The following TBC1D5 variants were observed in gnomAD, a reference collection of about 807,000 sequenced individuals.
TBC1D5 encodes TBC1 domain family, member 5.
A neutral mutation model predicts 100.3 loss-of-function variants in TBC1D5; 75 were observed. The ratio of observed to expected loss-of-function variants is 0.75; its 90% CI spans 0.62 to 0.91. The LOEUF (loss-of-function observed/expected upper bound fraction) is 0.91. TBC1D5 is among the 40% of genes least tolerant of loss of function. The pLI is 0.00. For missense variants in TBC1D5, 910 were observed against 942.4 expected (o/e 0.97, Z 0.45); for synonymous variants, 323 against 325.6 (o/e 0.99, Z 0.09).
chr3:17,336,824 A>C (rs1032888332), intron 13 of TBC1D5, among the ~76,000 whole-genome samples: 3 of 152,148 alleles, frequency 2.0e-5, no homozygotes, highest in African/African-American at 7.2e-5. Context: ...ACTGTCTTCC[A>C]CATTTGACTT....
chr3:17,699,487 T>A (rs534411685), intron 1 of TBC1D5, among the ~76,000 whole-genome samples: 408 of 142,992 alleles, frequency 2.9e-3, no homozygotes, highest in African/African-American at 9.7e-3. Context: ...GGCACATGTA[T>A]ACATATGTAA....
chr3:17,605,676 C>T (rs1000349533), intron 2 of TBC1D5, among the ~76,000 whole-genome samples: 4 of 152,154 alleles, frequency 2.6e-5, no homozygotes, highest in Admixed American at 2.0e-4. Flanking sequence ...GATTAAAGAT[C>T]AGGAAAGTAT....
chr3:17,720,837 CTTT>C (rs745500463), intron 1 of TBC1D5, among the ~76,000 whole-genome samples: 1 of 149,920 alleles, frequency 6.7e-6, no homozygotes, highest in Non-Finnish European at 1.5e-5. Context: ...TACTTTTTTT[CTTT>C]TTGTTTGTTT....
intron 4 of TBC1D5, among the ~76,000 whole-genome samples, chr3:17,422,038 G>A (rs887773653): frequency 1.3e-5 from 2 of 152,194 alleles, no homozygotes; most frequent in South Asian, 2.1e-4. Flanking sequence ...CAAGGCCTTA[G>A]AAACTTAAGA....
chr3:17,662,394 G>A (rs2066750626), intron 1 of TBC1D5, among the ~76,000 whole-genome samples: 2 of 152,198 alleles, frequency 1.3e-5, no homozygotes, highest in South Asian at 2.1e-4. Context: ...TACCTGGAAA[G>A]CCTTTGAATA....
At chr3:17,656,065 C>A (rs1363941560) in intron 1 of TBC1D5, among the ~76,000 whole-genome samples, 1 of 152,196 alleles carries the variant, frequency 6.6e-6, no homozygotes, top group African/African-American at 2.4e-5. Context: ...ACTCAGTAGC[C>A]TTTGCCTAGA....
At chr3:17,485,676 AT>A (rs1260295577) in intron 3 of TBC1D5, among the ~76,000 whole-genome samples, 1 of 152,006 alleles carries the variant, frequency 6.6e-6, no homozygotes, top group Non-Finnish European at 1.5e-5. Flanking sequence ...TGAACTCATC[AT>A]TTTTTATGGC....
At chr3:17,585,346 T>C (rs931382357) in intron 2 of TBC1D5, among the ~76,000 whole-genome samples, 2 of 152,176 alleles carry the variant, frequency 1.3e-5, no homozygotes, top group Admixed American at 6.5e-5. Context: ...AGGATGCACA[T>C]ACAATTTAGA....
intron 15 of TBC1D5, among the ~76,000 whole-genome samples, chr3:17,275,542 TAAA>T (rs1027621506): frequency 3.9e-5 from 6 of 152,128 alleles, no homozygotes; most frequent in African/African-American, 1.4e-4. Flanking sequence ...TCTGTCTCTT[TAAA>T]CAAACCAACC....
At chr3:17,386,592 A>G (rs915770283) in intron 8 of TBC1D5, among the ~76,000 whole-genome samples, 3 of 152,084 alleles carry the variant, frequency 2.0e-5, no homozygotes, top group African/African-American at 7.2e-5. Context: ...AATGTAGCCA[A>G]CTGTTCAACC....
At chr3:17,319,589 T>C (rs964103119) in intron 13 of TBC1D5, among the ~76,000 whole-genome samples, 1 of 152,146 alleles carries the variant, frequency 6.6e-6, no homozygotes, top group African/African-American at 2.4e-5. Context: ...CATACAGACA[T>C]TTTTATGCAG....
chr3:17,584,939 A>AT (rs1257033435), intron 2 of TBC1D5, among the ~76,000 whole-genome samples: 11 of 152,188 alleles, frequency 7.2e-5, no homozygotes, highest in African/African-American at 2.4e-4. Context: ...TACAGGCGTG[A>AT]GCCACTGTGC....
Position 17,404,578 on chromosome 3 carries a change from G to A in TBC1D5, c.441+116C>T, listed in dbSNP as rs79768473. ...CAGGTTTTAGGTGGTACTGTATGTG[G>A]AATAAAGAAAACAGTTAGCATGAAA... On this transcript the variant is annotated intron_variant, in intron 7 of 21. Coordinates refer to ENST00000253692, the Ensembl canonical transcript of TBC1D5. 6.5e-5 allele frequency: 58 copies of A among 896,170 alleles called. No individual in the cohort carries two copies. The African/African-American group carries it at 8.6e-4, about 13-fold the overall frequency. 55.5% of individuals were successfully genotyped at this position (896,170 alleles called of 1,614,324 possible).
intron 1 of TBC1D5, among the ~76,000 whole-genome samples, chr3:17,669,150 A>C (rs981544926): frequency 6.6e-6 from 1 of 152,088 alleles, no homozygotes; most frequent in African/African-American, 2.4e-5. Flanking sequence ...ATCAGGTCTG[A>C]TTATTTTTAA....
intron 2 of TBC1D5, among the ~76,000 whole-genome samples, chr3:17,515,306 A>G (rs1239855458): frequency 6.6e-6 from 1 of 152,114 alleles, no homozygotes. Context: ...TGAATCTGTT[A>G]TTTATCCCTT....
At chr3:17,701,625 C>CTT (rs563560442) in intron 1 of TBC1D5, among the ~76,000 whole-genome samples, 1 of 148,904 alleles carries the variant, frequency 6.7e-6, no homozygotes, top group South Asian at 2.1e-4. Flanking sequence ...ACAAAAAAGA[C>CTT]TTTTTTTTTT....
intron 16 of TBC1D5, among the ~76,000 whole-genome samples, chr3:17,251,304 A>G (rs2149296136): frequency 6.6e-6 from 1 of 152,180 alleles, no homozygotes; most frequent in East Asian, 1.9e-4. Context: ...CTCTTTAGCC[A>G]TAATTGGCCT....
intron 3 of TBC1D5, among the ~76,000 whole-genome samples, chr3:17,483,050 G>A (rs1174661121): frequency 6.6e-6 from 1 of 152,140 alleles, no homozygotes; most frequent in Non-Finnish European, 1.5e-5. Context: ...CTATGTGAAT[G>A]TGTGTATATG....
intron 1 of TBC1D5, among the ~76,000 whole-genome samples, chr3:17,668,849 A>G (rs2067587015): frequency 6.6e-6 from 1 of 152,156 alleles, no homozygotes; most frequent in African/African-American, 2.4e-5. Flanking sequence ...GAAGTTCCAC[A>G]GGAAGTAGGG....
Sources: gnomAD v4.1 joint callset for allele counts (sites outside exome capture counted in the v4.1 genomes callset) on GRCh38, gnomAD v4.1.1 for gene constraint, MANE v1.5 for transcripts, NCBI Gene and HGNC (gene_info 2026-07-23, HGNC 2026-07-21) for gene names.